The following SH3RF3 variants were observed in gnomAD, a reference collection of about 807,000 sequenced individuals.
SH3RF3 encodes SH3 domain containing ring finger 3, also known as E3 ubiquitin-protein ligase SH3RF3.
Under a neutral mutation model 66.3 loss-of-function variants are expected in SH3RF3, and 29 were observed. The observed-to-expected ratio is 0.44, with a 90% confidence interval of 0.33 to 0.60. SH3RF3 has a LOEUF of 0.60. Ranked by LOEUF, SH3RF3 falls within the 20% of genes least tolerant of loss-of-function variation. The pLI is 0.04. For synonymous variants in SH3RF3, 583 were observed against 532.0 expected (o/e 1.10, Z -1.32); for missense variants, 1,194 against 1,190.9 (o/e 1.00, Z -0.04).
chr2:109,200,247 C>T (rs1222425364), intron 1 of SH3RF3, among the ~76,000 whole-genome samples: 13 of 152,062 alleles, frequency 8.5e-5, no homozygotes, highest in South Asian at 2.1e-4. Context: ...CTATCCTGCA[C>T]CTGTAGTTGG....
chr2:109,384,869 C>T (rs76707993), intron 3 of SH3RF3, among the ~76,000 whole-genome samples: 71,943 of 151,624 alleles, frequency 0.47, 17,133 homozygotes, highest in Middle Eastern at 0.55. Flanking sequence ...TTCTGAGGGT[C>T]CCACTTCCCC....
chr2:109,164,143 G>T (rs1192319377), intron 1 of SH3RF3, among the ~76,000 whole-genome samples: 2 of 151,878 alleles, frequency 1.3e-5, no homozygotes, highest in Non-Finnish European at 2.9e-5. Context: ...ATTATTTTTG[G>T]TCCAGGAAAA....
chr2:109,331,229 A>G (rs189220276), intron 1 of SH3RF3, among the ~76,000 whole-genome samples: 1 of 152,074 alleles, frequency 6.6e-6, no homozygotes, highest in East Asian at 1.9e-4. Context: ...ATTTCCTGAT[A>G]TTGTGTACAG....
chr2:109,284,053 T>C (rs1680960231), intron 1 of SH3RF3, among the ~76,000 whole-genome samples: 1 of 152,140 alleles, frequency 6.6e-6, no homozygotes, highest in African/African-American at 2.4e-5. Context: ...CCTTCTCACT[T>C]GCTGTCACCT....
chr2:109,500,630 T>C lies in SH3RF3; in HGVS notation c.2481-873T>C, dbSNP rs117046470. ...CAATGCTAAGGCACTGGGAAAAAAA[T>C]CTTATGATTTTTGGAGCACATTTAA... On this transcript the variant is annotated intron_variant, in intron 9 of 9. Transcript: ENST00000309415. 2.3e-4 allele frequency among the ~76,000 whole-genome samples: 35 copies of C among 152,212 alleles called. No individual in the cohort carries two copies. The East Asian group carries it at 3.7e-3, about 16-fold the overall frequency.
At chr2:109,219,185 A>G (rs945993981) in intron 1 of SH3RF3, among the ~76,000 whole-genome samples, 4 of 152,218 alleles carry the variant, frequency 2.6e-5, no homozygotes, top group Admixed American at 2.6e-4. Flanking sequence ...CGCCTGGAGC[A>G]TGGGAGGATC....
intron 6 of SH3RF3, among the ~76,000 whole-genome samples, chr2:109,434,357 C>T (rs1186532553): frequency 6.6e-6 from 1 of 152,252 alleles, no homozygotes; most frequent in Non-Finnish European, 1.5e-5. Flanking sequence ...TTCCCAGTTT[C>T]CAGTTTCTCT....
chr2:109,263,555 G>A (rs1680408975), intron 1 of SH3RF3, among the ~76,000 whole-genome samples: 4 of 152,222 alleles, frequency 2.6e-5, no homozygotes, highest in Admixed American at 2.6e-4. Flanking sequence ...TTCCTGGGGA[G>A]CCAGGTAGAG....
intron 1 of SH3RF3, among the ~76,000 whole-genome samples, chr2:109,241,829 G>A (rs562807836): frequency 6.6e-6 from 1 of 151,144 alleles, no homozygotes; most frequent in Non-Finnish European, 1.5e-5. Context: ...GCAGTGGTGC[G>A]ATCTCGGCTC....
chr2:109,325,229 G>A (rs191502132), intron 1 of SH3RF3, among the ~76,000 whole-genome samples: 1 of 151,364 alleles, frequency 6.6e-6, no homozygotes, highest in African/African-American at 2.4e-5. Context: ...CATGGCTGGA[G>A]TCAAAGTGAG....
At chr2:109,295,579 G>T (rs569575928) in intron 1 of SH3RF3, among the ~76,000 whole-genome samples, 44 of 152,316 alleles carry the variant, frequency 2.9e-4, no homozygotes, top group African/African-American at 9.9e-4. Flanking sequence ...AGGGCCAGGT[G>T]GTGATCCCAG....
chr2:109,228,503 G>A (rs948329217), intron 1 of SH3RF3, among the ~76,000 whole-genome samples: 5 of 152,178 alleles, frequency 3.3e-5, no homozygotes, highest in Admixed American at 1.3e-4. Flanking sequence ...GATGCCAACT[G>A]GGTATTCAGT....
At chr2:109,316,074 G>T (rs893613767) in intron 1 of SH3RF3, among the ~76,000 whole-genome samples, 2 of 152,204 alleles carry the variant, frequency 1.3e-5, no homozygotes, top group Non-Finnish European at 2.9e-5. Flanking sequence ...GGTTAGAAAA[G>T]TGCATTTCCA....
chr2:109,382,457 C>T (rs532584100), intron 3 of SH3RF3, among the ~76,000 whole-genome samples: 14 of 152,258 alleles, frequency 9.2e-5, no homozygotes, highest in African/African-American at 2.9e-4. Flanking sequence ...TGACCCCCGA[C>T]GTGGTTGGCC....
Position 109,419,535 on chromosome 2 carries a change from C to A in SH3RF3, c.1300-4C>A. On this transcript the variant is annotated splice_polypyrimidine_tract_variant and splice_region_variant and intron_variant, in intron 4 of 9. Transcript: ENST00000309415. ...CACTCCTGTCCCCTCTTGTCTGTTT[C>A]CAGGATGTCTCCTCCTCGGCGGGAT... 6.3e-7 allele frequency: 1 copy of A among 1,589,418 alleles called. No individual in the cohort carries two copies. The highest frequency in any genetic ancestry group is 8.6e-7 in the Non-Finnish European group (1 of 1,168,362).
At chr2:109,313,276 A>AC (rs1369436624) in intron 1 of SH3RF3, among the ~76,000 whole-genome samples, 1 of 152,204 alleles carries the variant, frequency 6.6e-6, no homozygotes, top group East Asian at 1.9e-4. Flanking sequence ...CCCAGGCCTT[A>AC]CCCCAAACCT....
chr2:109,415,516 C>A (rs1031066549), intron 4 of SH3RF3, among the ~76,000 whole-genome samples: 1 of 152,108 alleles, frequency 6.6e-6, no homozygotes, highest in African/African-American at 2.4e-5. Flanking sequence ...CGTGTCCAGA[C>A]CCCCTCCTGA....
chr2:109,144,733 T>G (rs1677052391), intron 1 of SH3RF3, among the ~76,000 whole-genome samples: 1 of 152,218 alleles, frequency 6.6e-6, no homozygotes, highest in Non-Finnish European at 1.5e-5. Flanking sequence ...CAGCTGGTGA[T>G]GCATGCCTGG....
chr2:109,420,399 G>A (rs1450350509), intron 5 of SH3RF3, among the ~76,000 whole-genome samples: 1 of 152,166 alleles, frequency 6.6e-6, no homozygotes, highest in Non-Finnish European at 1.5e-5. Context: ...CTCAGAACCT[G>A]TGTTGTTACA....
Sources: allele counts gnomAD v4.1 joint callset (sites outside exome capture counted in the v4.1 genomes callset), GRCh38; gene constraint gnomAD v4.1.1; transcripts MANE v1.5; gene names NCBI Gene and HGNC (gene_info 2026-07-23, HGNC 2026-07-21).